The following LRBA variants were observed in gnomAD, a reference collection of about 807,000 sequenced individuals.
LRBA encodes lipopolysaccharide-responsive and beige-like anchor protein.
In LRBA, 176 loss-of-function variants were observed where a neutral mutation model predicts 330.0. That is an observed-to-expected ratio of 0.53 (90% confidence interval 0.47 to 0.60). The LOEUF (loss-of-function observed/expected upper bound fraction) is 0.60, where lower values mean the gene tolerates loss of function less well. LRBA is among the 20% of genes least tolerant of loss of function. The pLI is 0.00. For missense variants in LRBA, 3,259 were observed against 3,444.8 expected, an observed-to-expected ratio of 0.95 and a Z score of 1.35; for synonymous variants, 1,230 against 1,193.0, an observed-to-expected ratio of 1.03 and a Z score of -0.64.
At chr4:150,952,170 C>T (rs112867214) in intron 2 of LRBA, among the ~76,000 whole-genome samples, 1 of 151,936 alleles carries the variant, frequency 6.6e-6, no homozygotes, top group Admixed American at 6.5e-5. Flanking sequence ...TCACTGAGAA[C>T]TACTCATGAT....
chr4:150,738,299 A>AT (rs1271725947), intron 35 of LRBA, among the ~76,000 whole-genome samples: 19 of 152,168 alleles, frequency 1.2e-4, no homozygotes, highest in African/African-American at 4.1e-4. Context: ...CCGAATTCTG[A>AT]CAGACTTATG....
At chr4:150,724,341 C>G (rs1729368341) in intron 36 of LRBA, among the ~76,000 whole-genome samples, 1 of 152,142 alleles carries the variant, frequency 6.6e-6, no homozygotes, top group Admixed American at 6.5e-5. Flanking sequence ...GATAATTCTT[C>G]CACATCTTAT....
intron 44 of LRBA, among the ~76,000 whole-genome samples, chr4:150,449,555 A>G (rs1753095693): frequency 6.6e-6 from 1 of 151,946 alleles, no homozygotes; most frequent in Admixed American, 6.6e-5. Flanking sequence ...AAGTACATAA[A>G]AAAATGCCTC....
chr4:150,385,077 T>C (rs1395287862), intron 47 of LRBA, among the ~76,000 whole-genome samples: 1 of 152,196 alleles, frequency 6.6e-6, no homozygotes, highest in Non-Finnish European at 1.5e-5. Context: ...TATAGCATAT[T>C]CAGAGAAAGT....
chr4:150,852,862 A>T lies in LRBA; in HGVS notation c.2848T>A (p.Cys950Ser). 1 of 1,612,684 alleles carries T rather than the reference A, an allele frequency of 6.2e-7. No individual in the cohort carries two copies. Among genetic ancestry groups the T allele is most frequent in the Non-Finnish European group, 8.5e-7 (1 of 1,179,036 alleles). Residue 950 changes from cysteine to serine, a missense_variant, in exon 23 of 57, where the codon TGT becomes AGT. Physicochemically the swap from Cys to Ser is moderately radical, Grantham distance 112 (BLOSUM62 -1). Transcript: ENST00000651943. ...GCTGCTTGAACTGAAGTTGAAGAACACAGCCCTATTTCTTCATCAACTTTT... is the reference window on the plus strand; with the variant it reads ...GCTGCTTGAACTGAAGTTGAAGAACTCAGCCCTATTTCTTCATCAACTTTT... ...QGKVDEEIGLCSSTSVQAASG... is the reference protein window; with the variant it reads ...QGKVDEEIGLSSSTSVQAASG...
At chr4:150,773,354 T>C (rs1736836100) in intron 34 of LRBA, among the ~76,000 whole-genome samples, 2 of 152,232 alleles carry the variant, frequency 1.3e-5, no homozygotes, top group Non-Finnish European at 2.9e-5. Flanking sequence ...TAGTGGTCCT[T>C]ATTGACAAGT....
chr4:150,984,204 A>G (rs1482754837), intron 2 of LRBA, among the ~76,000 whole-genome samples: 8 of 152,210 alleles, frequency 5.3e-5, no homozygotes, highest in Non-Finnish European at 1.0e-4. Context: ...AAACATAAGA[A>G]AATTTTTGCG....
intron 36 of LRBA, among the ~76,000 whole-genome samples, chr4:150,703,298 G>A (rs1028527452): frequency 2.0e-5 from 3 of 152,178 alleles, no homozygotes; most frequent in Admixed American, 1.3e-4. Context: ...CAAACAGAAG[G>A]TAATTTTTAA....
At chr4:150,758,840 G>A (rs60975435) in intron 35 of LRBA, among the ~76,000 whole-genome samples, 4,918 of 151,700 alleles carry the variant, frequency 0.032, 218 homozygotes, top group African/African-American at 0.11. Context: ...CTCTCAAAGT[G>A]CTGGAATTAC....
intron 42 of LRBA, among the ~76,000 whole-genome samples, chr4:150,475,992 T>C (rs888925543): frequency 1.3e-5 from 2 of 152,156 alleles, no homozygotes; most frequent in African/African-American, 4.8e-5. Context: ...ATTTAAGTAA[T>C]TTGTGTCATC....
chr4:150,524,349 G>C (rs1763237697), intron 40 of LRBA, among the ~76,000 whole-genome samples: 2 of 152,126 alleles, frequency 1.3e-5, no homozygotes, highest in Admixed American at 6.5e-5. Context: ...CAGGCTTCTT[G>C]CAATGTTTAT....
chr4:150,571,008 T>C (rs984884602), intron 40 of LRBA, among the ~76,000 whole-genome samples: 5 of 152,130 alleles, frequency 3.3e-5, no homozygotes. Flanking sequence ...TGTAGCAGTA[T>C]GTTTGAGCAT....
intron 2 of LRBA, among the ~76,000 whole-genome samples, chr4:150,938,928 A>T (rs538321653): frequency 6.6e-6 from 1 of 152,326 alleles, no homozygotes; most frequent in East Asian, 1.9e-4. Context: ...GAAATTAAAA[A>T]ATATATATTA....
rs1561393233 is a variant in LRBA, at chr4:150,588,060, T to A, written c.6318A>T (p.Lys2106Asn). 2.5e-6 allele frequency: 4 copies of A among 1,612,174 alleles called. No individual in the cohort carries two copies. Among genetic ancestry groups the A allele is most frequent in the Non-Finnish European group, 2.5e-6 (3 of 1,179,158 alleles). Residue 2106 changes from lysine to asparagine, a missense_variant, in exon 40 of 57, where the codon AAA becomes AAT. Coordinates refer to ENST00000651943, the MANE Select transcript of LRBA (RefSeq NM_001364905.1). ...EVDEEDPNFK[K>N]IDPKILAYTE... Reference sequence around the variant, plus strand: ...TTCATCTTCTCACCTTGGGGTCGATTTTTTTGAAGTTAGGATCCTCTTCAT... The same window carrying A: ...TTCATCTTCTCACCTTGGGGTCGATATTTTTGAAGTTAGGATCCTCTTCAT...
intron 37 of LRBA, among the ~76,000 whole-genome samples, chr4:150,654,380 G>A (rs1400511942): frequency 1.3e-5 from 2 of 151,916 alleles, no homozygotes; most frequent in Non-Finnish European, 2.9e-5. Flanking sequence ...GTAGAGATGG[G>A]GCTTCACCAC....
At chr4:150,848,741 C>T (rs1467154101) in intron 26 of LRBA, 77 bp downstream of exon 26, 54 of 1,105,374 alleles carry the variant, frequency 4.9e-5, no homozygotes, top group Admixed American at 1.1e-4. Flanking sequence ...CAACAGAAGA[C>T]GGATAATTTT....
At chr4:150,712,489 G>A (rs1364262349) in intron 36 of LRBA, among the ~76,000 whole-genome samples, 1 of 152,102 alleles carries the variant, frequency 6.6e-6, no homozygotes, top group African/African-American at 2.4e-5. Flanking sequence ...GCTGTCTAAA[G>A]GAATGCCAAT....
At chr4:150,349,720 A>C (rs955434572) in intron 48 of LRBA, among the ~76,000 whole-genome samples, 4 of 152,154 alleles carry the variant, frequency 2.6e-5, no homozygotes, top group Admixed American at 2.6e-4. Context: ...GTAACCCCCA[A>C]AGTTATATAA....
At chr4:150,337,636 G>A (rs1734932054) in intron 48 of LRBA, among the ~76,000 whole-genome samples, 1 of 152,126 alleles carries the variant, frequency 6.6e-6, no homozygotes, top group South Asian at 2.1e-4. Context: ...TATGCCATCT[G>A]TGTAACACAC....
Sources: gnomAD v4.1 joint callset for allele counts (sites outside exome capture counted in the v4.1 genomes callset) on GRCh38, gnomAD v4.1.1 for gene constraint, MANE v1.5 for transcripts, NCBI Gene and HGNC (gene_info 2026-07-23, HGNC 2026-07-21) for gene names.